Variants in KRT82 observed in about 807,000 individuals in gnomAD.
The protein encoded by KRT82 is keratin 82.
A neutral mutation model predicts 48.0 loss-of-function variants in KRT82; 44 were observed. That is an observed-to-expected ratio of 0.92 (90% CI 0.72 to 1.18). The LOEUF is 1.18. KRT82 is among the 50% of genes most tolerant of loss of function. The pLI, the probability that KRT82 is intolerant of heterozygous loss-of-function variation, is 0.00. For synonymous variants in KRT82, 297 were observed against 278.3 expected, an observed-to-expected ratio of 1.07 and a Z score of -0.67; for missense variants, 701 against 671.4, an observed-to-expected ratio of 1.04 and a Z score of -0.49.
intron 5 of KRT82, among the ~76,000 whole-genome samples, chr12:52,398,481 C>CTT (rs57713227): frequency 2.1e-4 from 30 of 141,440 alleles, no homozygotes; most frequent in African/African-American, 5.9e-4. Flanking sequence ...TCAATTTTAA[C>CTT]TTTTTTTTTT....
At chr12:52,402,795 C>T (rs73306515) in intron 2 of KRT82, among the ~76,000 whole-genome samples, 5,283 of 152,314 alleles carry the variant, frequency 0.035, 303 homozygotes, top group African/African-American at 0.12. Flanking sequence ...GTGTCCCCAA[C>T]ACGGCTCCAC....
At position 52,396,939 on chromosome 12, in the gene KRT82, C is replaced by A. The variant is rs932316535; in HGVS notation, c.1012G>T (p.Glu338Ter). 6.2e-6 allele frequency: 10 copies of A among 1,614,014 alleles called. No homozygotes were observed. The Admixed American group carries it at 1.3e-4, about 22-fold the overall frequency. ...AGCCGCTGGATCAGTTTATTCATTT[C>A]CAGGATCTCGTTCTTACGGTTGCGG... ...NLRNRKNEIL[E>*]MNKLIQRLQQ... Residue 338 changes from glutamate (E) to a stop codon, truncating the protein, a stop_gained, in exon 6 of 9, where the codon GAA becomes TAA. Coordinates refer to ENST00000257974, the MANE Select transcript of KRT82 (RefSeq NM_033033.4). LOFTEE classifies it high-confidence loss of function.
Position 52,395,060 on chromosome 12 carries a change from G to T in KRT82, c.1457C>A (p.Pro486His). 6.2e-7 allele frequency: 1 copy of T among 1,614,016 alleles called. No homozygotes were observed. The highest frequency in any genetic ancestry group is 1.1e-5 in the South Asian group (1 of 91,066). The change falls in exon 9 of 9, where the codon CCC (proline) becomes CAC (histidine). Residue 486 changes from proline (P) to histidine (H), a missense_variant. Transcript: ENST00000257974. ...GCTCCCACAGCTCAGTAGCCCCTGG[G>T]GCTCGCAGGGGACATAGAGTTCACC... ...GTGELYVPCE[P>H]QGLLSCGSGR...
Position 52,406,330 on chromosome 12 carries a change from G to A in KRT82, c.-53C>T. The A allele has an allele frequency of 1.3e-6, 2 of 1,485,000 alleles. No homozygotes were observed. The highest frequency in any genetic ancestry group is 1.8e-6 in the Non-Finnish European group (2 of 1,114,754). 92.0% of individuals were successfully genotyped at this position (1,485,000 alleles called of 1,614,324 possible). ...GCCCTGGAGGAAAGAACCGGGGCAGGATGATCAAGTCAGGCTCAGCTTCCC... is the reference window on the plus strand; with the variant it reads ...GCCCTGGAGGAAAGAACCGGGGCAGAATGATCAAGTCAGGCTCAGCTTCCC... On this transcript the variant is annotated 5_prime_UTR_variant, in exon 1 of 9. Coordinates refer to ENST00000257974, the MANE Select transcript of KRT82 (RefSeq NM_033033.4).
At chr12:52,400,659 G>GAGGTGGC in intron 3 of KRT82, 37 bp from the exon 4 acceptor site, 1 of 1,488,914 alleles carries the variant, frequency 6.7e-7, no homozygotes, top group Non-Finnish European at 9.4e-7. Context: ...ACCTGGCTGG[G>GAGGTGGC]CCACCTCCCA....
intron 5 of KRT82, among the ~76,000 whole-genome samples, chr12:52,399,716 G>A (rs188953222): frequency 5.3e-5 from 8 of 152,344 alleles, no homozygotes; most frequent in African/African-American, 4.8e-5. Flanking sequence ...TGAGTCTGCA[G>A]GTAAAAACTG....
intron 6 of KRT82, 46 bp downstream of exon 6, chr12:52,396,837 C>T (rs769230156): frequency 6.2e-7 from 1 of 1,610,332 alleles, no homozygotes; most frequent in South Asian, 1.1e-5. Flanking sequence ...ACTGGCCAGT[C>T]AGCCCAGGAT....
chr12:52,405,854 A>C lies in KRT82; in HGVS notation c.411+13T>G, dbSNP rs1308539050. 6.2e-7 allele frequency: 1 copy of C among 1,600,238 alleles called. No homozygotes were observed. ...GTGGGTCCTCTCACGGCCCTGGGCCACTGCCCCCTTACCTTGTTGATGAAA... is the reference window on the plus strand; with the variant it reads ...GTGGGTCCTCTCACGGCCCTGGGCCCCTGCCCCCTTACCTTGTTGATGAAA... On this transcript the variant is annotated intron_variant, in intron 1 of 8. Coordinates refer to ENST00000257974, the MANE Select transcript of KRT82 (RefSeq NM_033033.4).
chr12:52,403,750 C>G lies in KRT82; in HGVS notation c.571G>C (p.Glu191Gln), dbSNP rs144698413. ...GCCTGGAGGCTGCAGAGCTCTGACTCTAGCCTCACGCGGTCCCCGGACACA... is the reference window on the plus strand; with the variant it reads ...GCCTGGAGGCTGCAGAGCTCTGACTGTAGCCTCACGCGGTCCCCGGACACA... The part of the protein sequence containing the change: ...DCVSGDRVRL[E>Q]SELCSLQAAL... Residue 191 changes from glutamate (E) to glutamine (Q), a missense_variant, in exon 2 of 9, where the codon GAG (glutamate) becomes CAG (glutamine). Glu to Gln is a conservative substitution (Grantham distance 29). Coordinates refer to ENST00000257974, the MANE Select transcript of KRT82 (RefSeq NM_033033.4). 1.7e-4 allele frequency: 276 copies of G among 1,613,292 alleles called. No homozygotes were observed. Among genetic ancestry groups the G allele is most frequent in the Non-Finnish European group, 2.2e-4 (261 of 1,179,980 alleles).
At position 52,396,947 on chromosome 12, in the gene KRT82, T is replaced by G. The variant is rs1221975957; in HGVS notation, c.1004A>C (p.Glu335Ala). 6.2e-7 allele frequency: 1 copy of G among 1,614,120 alleles called. No individual in the cohort carries two copies. The highest frequency in any genetic ancestry group is 1.7e-5 in the Admixed American group (1 of 60,026). ...HCDNLRNRKN[E>A]ILEMNKLIQR... ...GATCAGTTTATTCATTTCCAGGATC[T>G]CGTTCTTACGGTTGCGGAGGTTGTC... The change falls in exon 6 of 9, where the codon GAG becomes GCG. Residue 335 changes from glutamate (E) to alanine (A), a missense_variant. Glu to Ala is a moderately radical substitution (Grantham distance 107). Transcript: ENST00000257974.
intron 1 of KRT82, among the ~76,000 whole-genome samples, chr12:52,404,240 T>C (rs2121484400): frequency 6.6e-6 from 1 of 152,314 alleles, no homozygotes; most frequent in East Asian, 1.9e-4. Context: ...AGACATCCTG[T>C]CCCTTCAAGC....
In KRT82 at chr12:52,401,310, A is replaced by G. The variant is rs201940893; in HGVS notation, c.660T>C (p.Asn220=). 5.9e-5 allele frequency: 95 copies of G among 1,613,560 alleles called. No homozygotes were observed. The highest frequency in any genetic ancestry group is 6.9e-5 in the Non-Finnish European group (81 of 1,179,600). The change falls in exon 3 of 9, where the codon AAT becomes AAC. Residue 220 remains asparagine (N), a synonymous_variant. Transcript: ENST00000257974. ...TTACCTTCTTCAAGGCAACAAACTC[A>G]TTCTCAACACAGGGACGCAGGGAGA... ...EELSLRPCVE[N]EFVALKKDVD...
Position 52,406,313 on chromosome 12 carries a change from G to T in KRT82, c.-36C>A. On this transcript the variant is annotated 5_prime_UTR_variant, in exon 1 of 9. Coordinates refer to ENST00000257974, the MANE Select transcript of KRT82 (RefSeq NM_033033.4). ...AGAGGCAGAGAAATGCGGCCCTGGAGGAAAGAACCGGGGCAGGATGATCAA... is the reference window on the plus strand; with the variant it reads ...AGAGGCAGAGAAATGCGGCCCTGGATGAAAGAACCGGGGCAGGATGATCAA... 1 of 1,524,854 alleles carries T rather than the reference G, an allele frequency of 6.6e-7. No homozygotes were observed. The highest frequency in any genetic ancestry group is 8.8e-7 in the Non-Finnish European group (1 of 1,137,140). The allele number at this position is 1,524,854 out of a possible 1,614,324, so 94.5% of individuals were successfully genotyped here.
chr12:52,405,741 G>A, intron 1 of KRT82, 126 bp downstream of exon 1: 1 of 887,308 alleles, frequency 1.1e-6, no homozygotes, highest in Non-Finnish European at 1.7e-6. Context: ...GGAATGTGAG[G>A]GAGGCCACTG....
intron 2 of KRT82, among the ~76,000 whole-genome samples, chr12:52,403,477 G>A (rs1939814198): frequency 1.3e-5 from 2 of 152,202 alleles, no homozygotes. Context: ...AGATCTGAGG[G>A]CTTTATTTAG....
chr12:52,395,796 G>A lies in KRT82; in HGVS notation c.1290-6C>T. The A allele has an allele frequency of 1.3e-6, 2 of 1,549,404 alleles. No homozygotes were observed. Among genetic ancestry groups the A allele is most frequent in the South Asian group, 1.2e-5 (1 of 80,112 alleles). On this transcript the variant is annotated splice_region_variant and splice_polypyrimidine_tract_variant and intron_variant, in intron 7 of 8. Coordinates refer to ENST00000257974, the MANE Select transcript of KRT82 (RefSeq NM_033033.4). ...GCCCGATGCCTTCGCACAGCCTGGGGATGAGAGGAAAAAGAAAACAGGTAT... is the reference window on the plus strand; with the variant it reads ...GCCCGATGCCTTCGCACAGCCTGGGAATGAGAGGAAAAAGAAAACAGGTAT...
At position 52,395,129 on chromosome 12, in the gene KRT82, G is replaced by A; in HGVS notation, c.1388C>T (p.Thr463Ile). The change falls in exon 9 of 9, where the codon ACT becomes ATT. Residue 463 changes from threonine to isoleucine, a missense_variant. Thr to Ile is a moderately conservative substitution (Grantham distance 89, BLOSUM62 -1). Coordinates refer to ENST00000257974, the MANE Select transcript of KRT82 (RefSeq NM_033033.4). Reference protein sequence around the residue: ...PCGVSTPVLSTGVLRSNGGCS... With the variant: ...PCGVSTPVLSIGVLRSNGGCS... ...GCCCCCATTGCTCCTGAGGACGCCAGTGCTGAGGACAGGCGTGCTGACCCC... is the reference window on the plus strand; with the variant it reads ...GCCCCCATTGCTCCTGAGGACGCCAATGCTGAGGACAGGCGTGCTGACCCC... 6.2e-7 allele frequency: 1 copy of A among 1,614,070 alleles called. No homozygotes were observed. Among genetic ancestry groups the A allele is most frequent in the South Asian group, 1.1e-5 (1 of 91,080 alleles).
Position 52,400,166 on chromosome 12 carries a change from T to C in KRT82, c.778-17A>G, listed in dbSNP as rs754594845. Reference sequence around the variant, plus strand: ...GCAGATCTCCTGGGGGCAGGGCCCATGTGAGAAGGAGTGAGCTCTCTGAGC... The same window carrying C: ...GCAGATCTCCTGGGGGCAGGGCCCACGTGAGAAGGAGTGAGCTCTCTGAGC... On this transcript the variant is annotated splice_polypyrimidine_tract_variant and intron_variant, in intron 4 of 8. Coordinates refer to ENST00000257974, the MANE Select transcript of KRT82 (RefSeq NM_033033.4). 4 of 1,607,626 alleles carry C rather than the reference T, an allele frequency of 2.5e-6. No individual in the cohort carries two copies. The highest frequency in any genetic ancestry group is 2.2e-5 in the South Asian group (2 of 90,536).
chr12:52,406,282 G>C lies in KRT82; in HGVS notation c.-5C>G. Reference sequence around the variant, plus strand: ...CTGGAAAGAGTGGTACGACATGGCAGGAGAGAGAGGCAGAGAAATGCGGCC... The same window carrying C: ...CTGGAAAGAGTGGTACGACATGGCACGAGAGAGAGGCAGAGAAATGCGGCC... On this transcript the variant is annotated 5_prime_UTR_variant, in exon 1 of 9. Transcript: ENST00000257974. 1 of 1,575,616 alleles carries C rather than the reference G, an allele frequency of 6.3e-7. No homozygotes were observed. The highest frequency in any genetic ancestry group is 8.6e-7 in the Non-Finnish European group (1 of 1,159,040).
Sources: gnomAD v4.1 joint callset for allele counts (sites outside exome capture counted in the v4.1 genomes callset) on GRCh38, gnomAD v4.1.1 for gene constraint, MANE v1.5 for transcripts, NCBI Gene and HGNC (gene_info 2026-07-23, HGNC 2026-07-21) for gene names.